The following PUDP variants were observed in gnomAD, a reference collection of about 807,000 sequenced individuals.
PUDP encodes the protein pseudouridine-5'-phosphatase.
Under a neutral mutation model 9.4 loss-of-function variants are expected in PUDP, and 8 were observed. The observed-to-expected ratio is 0.85, with a 90% confidence interval of 0.50 to 1.53. The LOEUF (loss-of-function observed/expected upper bound fraction) is 1.53, where lower values mean the gene tolerates loss of function less well. PUDP is among the 40% of genes most tolerant of loss of function. The probability of loss-of-function intolerance (pLI) is 0.00; values close to 1 mark genes in which losing one functional copy is unlikely to be tolerated. For missense variants in PUDP, 188 were observed against 189.7 expected (o/e 0.99, Z 0.05); for synonymous variants, 99 against 80.7 (o/e 1.23, Z -1.22).
At position 6,743,630 on chromosome X, in the gene PUDP, C is replaced by T. The variant is rs1028475192; in HGVS notation, c.*248-37164G>A. Among the ~76,000 whole-genome samples, 62 of 111,857 alleles carry T rather than the reference C, an allele frequency of 5.5e-4. 2 individuals carry two copies. The highest frequency in any genetic ancestry group is 2.0e-3 in the African/African-American group (60 of 30,549). On this transcript the variant is annotated intron_variant and NMD_transcript_variant, in intron 3 of 3. Transcript: ENST00000655425. ...TGCAAGTTAATCAATAGGTCAGCAT[C>T]GCAATAGTTTGCAGCTGTAACAGGA...
intron 3 of PUDP, among the ~76,000 whole-genome samples, chrX:6,852,499 C>G (rs965282610): frequency 1.8e-5 from 2 of 111,573 alleles, no homozygotes; most frequent in Non-Finnish European, 3.8e-5. Context: ...TCCTCATGCT[C>G]CTTAGGGTCT....
chrX:6,855,904 C>A (rs1174141237), intron 3 of PUDP, among the ~76,000 whole-genome samples: 1 of 110,991 alleles, frequency 9.0e-6, no homozygotes, highest in Non-Finnish European at 1.9e-5. Flanking sequence ...CAGTGCAGGC[C>A]GTGGAAATGA....
chrX:7,069,050 C>A (rs1329696763), intron 3 of PUDP, among the ~76,000 whole-genome samples: 5 of 111,900 alleles, frequency 4.5e-5, no homozygotes, highest in Non-Finnish European at 7.5e-5. Context: ...AAAACAACAC[C>A]TGCACACACA....
chrX:6,827,512 G>A (rs1368699319), intron 3 of PUDP, among the ~76,000 whole-genome samples: 1 of 111,481 alleles, frequency 9.0e-6, no homozygotes, highest in African/African-American at 3.3e-5. Flanking sequence ...CTATAGAGAG[G>A]TTATTTCCTG....
chrX:6,754,511 AT>A (rs1925146485), intron 3 of PUDP, among the ~76,000 whole-genome samples: 1 of 110,387 alleles, frequency 9.1e-6, no homozygotes, highest in Admixed American at 9.8e-5. Context: ...TATAACATAT[AT>A]AACTCATATA....
chrX:6,788,783 T>C (rs2146687735), intron 3 of PUDP, among the ~76,000 whole-genome samples: 1 of 112,419 alleles, frequency 8.9e-6, no homozygotes, highest in African/African-American at 3.2e-5. Context: ...AATAGGTATA[T>C]TTTTAAAAGT....
chrX:6,958,912 A>C (rs1453285570), intron 3 of PUDP, among the ~76,000 whole-genome samples: 2 of 112,037 alleles, frequency 1.8e-5, no homozygotes, highest in African/African-American at 6.5e-5. Flanking sequence ...GGCAGAACTT[A>C]AGACTGATGA....
At chrX:7,115,640 T>C (rs1266469520) in intron 1 of PUDP, among the ~76,000 whole-genome samples, 4 of 112,477 alleles carry the variant, frequency 3.6e-5, no homozygotes, top group African/African-American at 1.3e-4. Flanking sequence ...TTTGACCTTC[T>C]TAACCAGCCA....
chrX:6,853,591 T>C (rs1322029951), intron 3 of PUDP, among the ~76,000 whole-genome samples: 5 of 110,971 alleles, frequency 4.5e-5, no homozygotes, highest in Non-Finnish European at 7.6e-5. Flanking sequence ...TTTTGTCACC[T>C]GTAAAGGAAA....
chrX:7,112,929 C>CTGGTCCCCACTT (rs1932095110), intron 1 of PUDP: 1 of 112,501 alleles, frequency 8.9e-6, no homozygotes, highest in Admixed American at 9.4e-5. Flanking sequence ...TCCCAAAGTG[C>CTGGTCCCCACTT]TGGGATTACA....
intron 3 of PUDP, among the ~76,000 whole-genome samples, chrX:6,773,555 C>A (rs1247224390): frequency 1.8e-5 from 2 of 110,999 alleles, no homozygotes; most frequent in Non-Finnish European, 3.8e-5. Context: ...CACAGCAAAC[C>A]AGACAATACT....
chrX:6,780,122 A>G (rs1345498345), intron 3 of PUDP, among the ~76,000 whole-genome samples: 2 of 109,695 alleles, frequency 1.8e-5, no homozygotes, highest in Non-Finnish European at 3.8e-5. Flanking sequence ...GTTTGTGTAT[A>G]TATGTATATA....
At chrX:6,914,421 T>C (rs946498841) in intron 3 of PUDP, among the ~76,000 whole-genome samples, 2 of 111,623 alleles carry the variant, frequency 1.8e-5, no homozygotes, top group African/African-American at 3.3e-5. Context: ...AGTGCTTCAT[T>C]TCCTTTTCGC....
chrX:7,141,328 G>C (rs1327224973), intron 1 of PUDP, among the ~76,000 whole-genome samples: 1 of 112,793 alleles, frequency 8.9e-6, no homozygotes, highest in Admixed American at 9.3e-5. Flanking sequence ...TGAATGATGA[G>C]AGTGAAACAG....
intron 3 of PUDP, among the ~76,000 whole-genome samples, chrX:6,791,912 A>G (rs1925755691): frequency 8.9e-6 from 1 of 111,951 alleles, no homozygotes; most frequent in Non-Finnish European, 1.9e-5. Flanking sequence ...ACTTTTCTGG[A>G]TATTTGAAAA....
intron 3 of PUDP, among the ~76,000 whole-genome samples, chrX:6,745,498 C>T (rs1425796045): frequency 8.9e-6 from 1 of 112,097 alleles, no homozygotes; most frequent in Non-Finnish European, 1.9e-5. Flanking sequence ...ACCACAGAAA[C>T]TCATTATTAT....
intron 3 of PUDP, among the ~76,000 whole-genome samples, chrX:6,743,051 A>G (rs962984815): frequency 6.2e-5 from 7 of 112,239 alleles, no homozygotes; most frequent in Non-Finnish European, 1.1e-4. Context: ...CTCCTTCAAG[A>G]TGCTTTCAGT....
intron 3 of PUDP, among the ~76,000 whole-genome samples, chrX:6,975,276 T>C (rs1178817158): frequency 9.0e-6 from 1 of 110,519 alleles, no homozygotes; most frequent in Non-Finnish European, 1.9e-5. Context: ...TTGTGATCCT[T>C]TGGAGAAGAG....
intron 1 of PUDP, among the ~76,000 whole-genome samples, chrX:7,034,035 G>A (rs1663005769): frequency 8.9e-6 from 1 of 111,988 alleles, no homozygotes; most frequent in African/African-American, 3.2e-5. Context: ...ACAGAGTCAG[G>A]GTCCTCAGAG....
Sources: allele counts gnomAD v4.1 joint callset (sites outside exome capture counted in the v4.1 genomes callset), GRCh38; gene constraint gnomAD v4.1.1; transcripts MANE v1.5; gene names NCBI Gene and HGNC (gene_info 2026-07-23, HGNC 2026-07-21).